MEIKIN: variants seen among roughly 807,000 people sequenced by gnomAD.
MEIKIN encodes the protein meiosis-specific kinetochore protein.
intron 5 of MEIKIN, among the ~76,000 whole-genome samples, chr5:131,924,130 G>A (rs1030935991): frequency 6.6e-6 from 1 of 151,940 alleles, no homozygotes; most frequent in African/African-American, 2.4e-5. Context: ...TGTCCTCAAG[G>A]TTCATCCATG....
chr5:131,901,684 T>C (rs1270974050), intron 8 of MEIKIN, among the ~76,000 whole-genome samples: 4 of 152,150 alleles, frequency 2.6e-5, no homozygotes, highest in African/African-American at 7.2e-5. Context: ...AGGGGCCTGA[T>C]ACCAGCCCCA....
intron 11 of MEIKIN, among the ~76,000 whole-genome samples, chr5:131,831,430 G>A (rs968378089): frequency 6.6e-6 from 1 of 152,152 alleles, no homozygotes; most frequent in Admixed American, 6.5e-5. Flanking sequence ...GGTGCCACAT[G>A]CTTGTAGTCC....
At chr5:131,810,169 T>A (rs1311323308) in intron 12 of MEIKIN, among the ~76,000 whole-genome samples, 1 of 152,226 alleles carries the variant, frequency 6.6e-6, no homozygotes, top group African/African-American at 2.4e-5. Context: ...TTGTCATATA[T>A]CTGTGTGATA....
intron 3 of MEIKIN, among the ~76,000 whole-genome samples, chr5:131,943,997 C>G (rs1445214748): frequency 6.6e-6 from 1 of 151,702 alleles, no homozygotes; most frequent in Non-Finnish European, 1.5e-5. Flanking sequence ...ATCACATCTA[C>G]TCAGGAGGTT....
chr5:131,899,409 A>C (rs1751115653), intron 8 of MEIKIN, among the ~76,000 whole-genome samples: 1 of 152,140 alleles, frequency 6.6e-6, no homozygotes, highest in Admixed American at 6.5e-5. Context: ...GAACACAAAA[A>C]GGAAAGAAAG....
intron 8 of MEIKIN, among the ~76,000 whole-genome samples, chr5:131,880,091 T>C (rs1284806160): frequency 2.6e-5 from 4 of 151,490 alleles, no homozygotes; most frequent in African/African-American, 4.9e-5. Flanking sequence ...AGCTAATATA[T>C]ATACAATTTT....
intron 9 of MEIKIN, among the ~76,000 whole-genome samples, chr5:131,856,148 AC>A (rs1750188845): frequency 6.6e-6 from 1 of 152,254 alleles, no homozygotes; most frequent in Non-Finnish European, 1.5e-5. Flanking sequence ...TAAAATGAAC[AC>A]ATCAGCCTCT....
intron 8 of MEIKIN, among the ~76,000 whole-genome samples, chr5:131,891,944 G>A (rs1220851676): frequency 6.6e-6 from 1 of 152,162 alleles, no homozygotes; most frequent in African/African-American, 2.4e-5. Context: ...TTGCTTGTCT[G>A]TAAAGGATTT....
At position 131,871,186 on chromosome 5, in the gene MEIKIN, C is replaced by T. The variant is rs566312827; in HGVS notation, c.774+7792G>A. 1.6e-3 allele frequency among the ~76,000 whole-genome samples: 237 copies of T among 152,238 alleles called. 1 individual carries two copies. Among genetic ancestry groups the T allele is most frequent in the Admixed American group, 1.2e-3 (18 of 15,290 alleles). On this transcript the variant is annotated intron_variant, in intron 9 of 12. Coordinates refer to ENST00000442687, the MANE Select transcript of MEIKIN (RefSeq NM_001303622.2). ...TGGGTGCAGTGCACCGTGCGCAAGC[C>T]GAAGCAGGGCAAGGAATCACCTCAC...
chr5:131,818,784 A>G lies in MEIKIN; in HGVS notation c.1055T>C (p.Ile352Thr), dbSNP rs1255504726. Reference protein sequence around the residue: ...GTRQVKNKGVIVKKKKYSLPK... With the variant: ...GTRQVKNKGVTVKKKKYSLPK... ...AAGAGAATATTTCTTCTTCTTTACA[A>G]TAACACCTTTATTTTTCACTTGTCT... Residue 352 changes from isoleucine (I) to threonine (T), a missense_variant, in exon 12 of 13, where the codon ATT (isoleucine) becomes ACT (threonine). Transcript: ENST00000442687. 1.5e-5 allele frequency: 6 copies of G among 398,098 alleles called. No homozygotes were observed. Among genetic ancestry groups the G allele is most frequent in the Non-Finnish European group, 2.7e-5 (6 of 225,840 alleles). 24.7% of individuals were successfully genotyped at this position (398,098 alleles called of 1,614,324 possible). A position where few individuals can be genotyped will look rare whatever the true frequency, so the allele number is the denominator to read the frequency against.
rs200873236 is a variant in MEIKIN, at chr5:131,891,728, A to G, written c.704-12680T>C. On this transcript the variant is annotated intron_variant, in intron 8 of 12. Coordinates refer to ENST00000442687, the MANE Select transcript of MEIKIN (RefSeq NM_001303622.2). ...TAGCCCATTTACATTTAAGGTTAAT[A>G]TTGTTATGTGTGAATTTGATCCTGT... Among the ~76,000 whole-genome samples the G allele has an allele frequency of 3.2e-4, 48 of 152,260 alleles. No homozygotes were observed. In the East Asian group the frequency reaches 7.7e-3, roughly 24 times the overall value.
intron 10 of MEIKIN, among the ~76,000 whole-genome samples, chr5:131,851,740 G>A (rs555001102): frequency 6.6e-6 from 1 of 152,272 alleles, no homozygotes; most frequent in Middle Eastern, 3.4e-3. Flanking sequence ...TCAGGTTACT[G>A]AAATCACCAC....
At chr5:131,809,631 C>A (rs1021349289) in intron 12 of MEIKIN, among the ~76,000 whole-genome samples, 4 of 151,796 alleles carry the variant, frequency 2.6e-5, no homozygotes, top group Non-Finnish European at 4.4e-5. Flanking sequence ...ACAGATGAAA[C>A]CCTGTCTCTA....
At chr5:131,900,585 C>T (rs937489458) in intron 8 of MEIKIN, among the ~76,000 whole-genome samples, 4 of 152,146 alleles carry the variant, frequency 2.6e-5, no homozygotes, top group East Asian at 3.9e-4. Flanking sequence ...GACGCCCATC[C>T]CCCAAGGCTT....
chr5:131,928,041 G>A (rs528666464), intron 5 of MEIKIN, among the ~76,000 whole-genome samples: 1 of 151,838 alleles, frequency 6.6e-6, no homozygotes, highest in East Asian at 1.9e-4. Flanking sequence ...CTACACGGGA[G>A]GCTGAGGCAG....
intron 7 of MEIKIN, among the ~76,000 whole-genome samples, chr5:131,912,204 T>C (rs915076407): frequency 6.6e-6 from 1 of 151,956 alleles, no homozygotes; most frequent in Non-Finnish European, 1.5e-5. Flanking sequence ...CTGTCTTGAG[T>C]CTTGGTTACC....
At chr5:131,927,812 T>C (rs1235254180) in intron 5 of MEIKIN, among the ~76,000 whole-genome samples, 6 of 152,324 alleles carry the variant, frequency 3.9e-5, no homozygotes, top group South Asian at 2.1e-4. Flanking sequence ...ATGGAATATC[T>C]TTTTCCATCT....
At chr5:131,824,368 A>C (rs963442868) in intron 11 of MEIKIN, among the ~76,000 whole-genome samples, 4 of 151,946 alleles carry the variant, frequency 2.6e-5, no homozygotes, top group African/African-American at 7.3e-5. Context: ...AAAAATAGAA[A>C]ACTTAGCCAG....
chr5:131,820,967 G>C (rs540589200), intron 11 of MEIKIN, among the ~76,000 whole-genome samples: 1 of 151,868 alleles, frequency 6.6e-6, no homozygotes, highest in South Asian at 2.1e-4. Flanking sequence ...TTTTTGTTTT[G>C]TTGATCTTTT....
Sources: allele counts gnomAD v4.1 joint callset (sites outside exome capture counted in the v4.1 genomes callset), GRCh38; gene constraint gnomAD v4.1.1; transcripts MANE v1.5; gene names NCBI Gene and HGNC (gene_info 2026-07-23, HGNC 2026-07-21).